The following ALDH1A1 variants were observed in gnomAD, a reference collection of about 807,000 sequenced individuals.
The protein encoded by ALDH1A1 is aldehyde dehydrogenase 1 family member A1, also known as aldehyde dehydrogenase 1A1.
A neutral mutation model predicts 62.1 loss-of-function variants in ALDH1A1; 19 were observed. The ratio of observed to expected loss-of-function variants is 0.31; its 90% CI spans 0.21 to 0.45. ALDH1A1 has a LOEUF of 0.45. ALDH1A1 is among the 20% of genes least tolerant of loss of function. The probability of loss-of-function intolerance (pLI) is 1.00; values close to 1 mark genes in which losing one functional copy is unlikely to be tolerated. For missense variants in ALDH1A1, 521 were observed against 607.1 expected (o/e 0.86, Z 1.49); for synonymous variants, 231 against 215.9 (o/e 1.07, Z -0.61).
At chr9:72,923,334 G>A (rs1336731035) in intron 7 of ALDH1A1, among the ~76,000 whole-genome samples, 2 of 152,136 alleles carry the variant, frequency 1.3e-5, no homozygotes, top group East Asian at 1.9e-4. Context: ...ACAAAGTCAC[G>A]TAATTTAATA....
chr9:72,920,520 A>G (rs1221973377), intron 7 of ALDH1A1, among the ~76,000 whole-genome samples: 1 of 152,218 alleles, frequency 6.6e-6, no homozygotes, highest in Non-Finnish European at 1.5e-5. Context: ...AAGTAACTCC[A>G]TTAAAGTAGA....
chr9:72,910,701 T>C (rs555259564), intron 10 of ALDH1A1, among the ~76,000 whole-genome samples: 2 of 152,238 alleles, frequency 1.3e-5, no homozygotes, highest in East Asian at 3.9e-4. Flanking sequence ...TTCTGGGAAA[T>C]CTGAATGAAG....
chr9:72,903,627 C>G (rs1043515588), intron 12 of ALDH1A1, among the ~76,000 whole-genome samples: 3 of 150,546 alleles, frequency 2.0e-5, no homozygotes, highest in African/African-American at 7.3e-5. Flanking sequence ...AAAAAACCCA[C>G]AACTTTTTCC....
rs538790840 is a variant in ALDH1A1 at position 72,949,789 on chromosome 9, G to A, written c.66+3146C>T. 1.1e-4 allele frequency among the ~76,000 whole-genome samples: 17 copies of A among 149,774 alleles called. No homozygotes were observed. In the South Asian group the frequency reaches 2.1e-3, roughly 19 times the overall value. On this transcript the variant is annotated intron_variant, in intron 1 of 12. Transcript: ENST00000297785. ...AATTAAGTTAAACATTTTGGCGTTTGAATTCTGTCTGAGAATGCTTGTCTT... is the reference window on the plus strand; with the variant it reads ...AATTAAGTTAAACATTTTGGCGTTTAAATTCTGTCTGAGAATGCTTGTCTT...
intron 1 of ALDH1A1, among the ~76,000 whole-genome samples, chr9:72,943,783 G>T (rs1457264560): frequency 6.6e-6 from 1 of 152,094 alleles, no homozygotes; most frequent in Non-Finnish European, 1.5e-5. Context: ...GCTCTCAGGG[G>T]CTTATAATCT....
intron 1 of ALDH1A1, among the ~76,000 whole-genome samples, chr9:72,949,239 G>T (rs1830509096): frequency 6.6e-6 from 1 of 151,786 alleles, no homozygotes; most frequent in South Asian, 2.1e-4. Flanking sequence ...TTTCCCTATT[G>T]TTCTCTTTTT....
At chr9:72,926,539 T>C (rs1830210474) in intron 5 of ALDH1A1, among the ~76,000 whole-genome samples, 1 of 152,208 alleles carries the variant, frequency 6.6e-6, no homozygotes, top group African/African-American at 2.4e-5. Context: ...AAAAGGCTAC[T>C]TTCCTCTAAG....
chr9:72,910,125 C>T (rs988120207), intron 10 of ALDH1A1, among the ~76,000 whole-genome samples: 1 of 152,106 alleles, frequency 6.6e-6, no homozygotes, highest in Non-Finnish European at 1.5e-5. Flanking sequence ...TCTTCCAAGT[C>T]ACTACACATA....
At chr9:72,903,687 A>G (rs1784677291) in intron 12 of ALDH1A1, among the ~76,000 whole-genome samples, 1 of 151,108 alleles carries the variant, frequency 6.6e-6, no homozygotes, top group Admixed American at 6.6e-5. Context: ...TTTTTAGGAA[A>G]TTACTGATGG....
chr9:72,943,677 T>G (rs1830442282), intron 1 of ALDH1A1, among the ~76,000 whole-genome samples: 2 of 152,136 alleles, frequency 1.3e-5, no homozygotes, highest in South Asian at 2.1e-4. Flanking sequence ...AACTTTTGCT[T>G]TATCAGAAAA....
At chr9:72,940,021 C>T (rs1830397357) in intron 2 of ALDH1A1, 127 bp downstream of exon 2, 31 of 536,432 alleles carry the variant, frequency 5.8e-5, no homozygotes, top group South Asian at 3.6e-4. Context: ...AGACAATTTT[C>T]CTAAGCTGCC....
chr9:72,942,385 C>G, intron 1 of ALDH1A1: 1 of 984,950 alleles, frequency 1.0e-6, no homozygotes, highest in Non-Finnish European at 1.2e-6. Context: ...TCCCCCAGCC[C>G]TATCTCTCAC....
In ALDH1A1 at chr9:72,953,046, G is replaced by T. The variant is rs370173055; in HGVS notation, c.-46C>A. 6.2e-7 allele frequency: 1 copy of T among 1,601,104 alleles called. No individual in the cohort carries two copies. The highest frequency in any genetic ancestry group is 8.5e-7 in the Non-Finnish European group (1 of 1,172,104). On this transcript the variant is annotated 5_prime_UTR_variant, in exon 1 of 13. Transcript: ENST00000297785. ...CACAGGTGACTGGCTCAGCAATTTG[G>T]TTCTGATAGAGCACTTGGCTTTATT...
chr9:72,945,592 C>A (rs1029477724), intron 1 of ALDH1A1, among the ~76,000 whole-genome samples: 6 of 151,804 alleles, frequency 4.0e-5, no homozygotes, highest in African/African-American at 1.5e-4. Context: ...AATGTGTCAA[C>A]CTTTTCTCAG....
intron 11 of ALDH1A1, among the ~76,000 whole-genome samples, chr9:72,908,523 GAAA>G (rs1829914371): frequency 2.7e-5 from 3 of 112,418 alleles, no homozygotes; most frequent in Non-Finnish European, 5.4e-5. Flanking sequence ...AAGAAAGAAA[GAAA>G]GAAAGAAAGA....
At chr9:72,952,869 T>C (rs1278390087) in intron 1 of ALDH1A1, 66 bp downstream of exon 1, 2 of 1,574,514 alleles carry the variant, frequency 1.3e-6, no homozygotes, top group East Asian at 4.5e-5. Context: ...AATTGACCTT[T>C]AATGCTTTAC....
At chr9:72,911,334 G>A (rs1287078188) in intron 10 of ALDH1A1, among the ~76,000 whole-genome samples, 3 of 152,134 alleles carry the variant, frequency 2.0e-5, no homozygotes, top group Admixed American at 2.0e-4. Context: ...GAACCAGAAA[G>A]TAGAACCTAT....
intron 8 of ALDH1A1, among the ~76,000 whole-genome samples, chr9:72,918,433 A>G (rs1830091130): frequency 6.6e-6 from 1 of 152,150 alleles, no homozygotes. Flanking sequence ...TTTAAAAAAT[A>G]CACCATGGCA....
At chr9:72,936,675 G>A (rs1049862848) in intron 2 of ALDH1A1, among the ~76,000 whole-genome samples, 5 of 152,112 alleles carry the variant, frequency 3.3e-5, no homozygotes, top group African/African-American at 1.2e-4. Context: ...TAGGGCACAG[G>A]CTTCTGGGGC....
Sources: allele counts gnomAD v4.1 joint callset (sites outside exome capture counted in the v4.1 genomes callset), GRCh38; gene constraint gnomAD v4.1.1; transcripts MANE v1.5; gene names NCBI Gene and HGNC (gene_info 2026-07-23, HGNC 2026-07-21).